Variants in PEG3 observed in about 807,000 individuals in gnomAD.
PEG3 encodes paternally expressed 3, also known as paternally-expressed gene 3 protein.
Under a neutral mutation model 35.5 loss-of-function variants are expected in PEG3, and 23 were observed. That is an observed-to-expected ratio of 0.65 (90% CI 0.47 to 0.92). The LOEUF is 0.92. PEG3 is among the 40% of genes least tolerant of loss of function. The pLI is 0.00. For synonymous variants in PEG3, 707 were observed against 697.0 expected (o/e 1.01, Z -0.23); for missense variants, 1,960 against 1,985.3 (o/e 0.99, Z 0.24).
In PEG3 at chr19:56,816,350, A is replaced by C. The variant is rs35087473; in HGVS notation, c.2092T>G (p.Ser698Ala). ...TDGRDAFMQSSELSEHQKIHS... is the reference protein window; with the variant it reads ...TDGRDAFMQSAELSEHQKIHS... The stretch of plus-strand genomic sequence containing the variant: ...ATTTTCTGATGCTCACTGAGCTCTG[A>C]GCTTTGCATGAAGGCATCCCGGCCA... Residue 698 changes from serine to alanine, a missense_variant, in exon 10 of 10, where the codon TCA (serine) becomes GCA (alanine). Transcript: ENST00000326441. 1.0e-3 allele frequency: 1,685 copies of C among 1,614,090 alleles called. 21 individuals carry two copies. In the African/African-American group the frequency reaches 0.019, roughly 18 times the overall value.
In PEG3 at chr19:56,817,208, T is replaced by G. The variant is rs1283675857; in HGVS notation, c.1234A>C (p.Arg412=). 3.1e-6 allele frequency: 5 copies of G among 1,614,220 alleles called. No homozygotes were observed. Among genetic ancestry groups the G allele is most frequent in the Non-Finnish European group, 4.2e-6 (5 of 1,180,012 alleles). ...CTACCACATTCAAAGGGCTTCTTCCTGGGACAGCCTTTTTGATCGTGAATC... is the reference window on the plus strand; with the variant it reads ...CTACCACATTCAAAGGGCTTCTTCCGGGGACAGCCTTTTTGATCGTGAATC... ...GSIHDQKGCP[R]KKPFECGSEM... Residue 412 remains arginine (R), a synonymous_variant, in exon 10 of 10, where the codon AGG becomes CGG. Transcript: ENST00000326441.
chr19:56,814,459 G>A lies in PEG3; in HGVS notation c.3983C>T (p.Ala1328Val). ...TSFLTEPLKG[A>V]IPFYECKDCG... ...ATCCTTGCATTCATAGAATGGTATA[G>A]CTCCTTTGAGGGGCTCAGTAAGAAA... Residue 1328 changes from alanine to valine, a missense_variant, in exon 10 of 10, where the codon GCT becomes GTT. This residue lies in a region of PEG3 where 416 missense variants were observed against 416.7 expected (regional missense o/e 1.00). Coordinates refer to ENST00000326441, the MANE Select transcript of PEG3 (RefSeq NM_006210.3). This position sits in a 1 kb window ranked among gnomAD's most constrained non-coding sequence, Gnocchi z 5.8. The A allele has an allele frequency of 6.2e-7, 1 of 1,613,722 alleles. No homozygotes were observed.
chr19:56,813,920 G>T lies in PEG3; in HGVS notation c.4522C>A (p.His1508Asn). 6.2e-7 allele frequency: 1 copy of T among 1,614,162 alleles called. No individual in the cohort carries two copies. Among genetic ancestry groups the T allele is most frequent in the Non-Finnish European group, 8.5e-7 (1 of 1,180,020 alleles). The part of the protein sequence containing the change: ...IQVEEPYYDC[H>N]ECTETFTSST... Reference sequence around the variant, plus strand: ...GAAGTGAAGGTTTCTGTGCATTCATGGCAGTCATAGTATGGTTCTTCTACC... The same window carrying T: ...GAAGTGAAGGTTTCTGTGCATTCATTGCAGTCATAGTATGGTTCTTCTACC... The change falls in exon 10 of 10, where the codon CAT becomes AAT. Residue 1508 changes from histidine to asparagine, a missense_variant. By Grantham distance (68) the His-to-Asn change is moderately conservative (BLOSUM62 1). Coordinates refer to ENST00000326441, the MANE Select transcript of PEG3 (RefSeq NM_006210.3).
At chr19:56,840,544 G>A (rs1213930047) in intron 1 of PEG3, 38 bp downstream of exon 1, 1 of 152,322 alleles carries the variant, frequency 6.6e-6, no homozygotes, top group Non-Finnish European at 1.5e-5. Flanking sequence ...AAGGTCCCGC[G>A]GGCAGGAGGC....
intron 1 of PEG3, among the ~76,000 whole-genome samples, chr19:56,836,571 A>G (rs1415703932): frequency 6.6e-6 from 1 of 152,216 alleles, no homozygotes; most frequent in African/African-American, 2.4e-5. Flanking sequence ...GTATGTGTTC[A>G]ATCAATTAGA....
intron 1 of PEG3, among the ~76,000 whole-genome samples, chr19:56,836,439 G>C (rs1347206336): frequency 6.6e-6 from 1 of 152,126 alleles, no homozygotes; most frequent in Non-Finnish European, 1.5e-5. Flanking sequence ...CCCATGTTAG[G>C]ACCGCTATCC....
intron 1 of PEG3, among the ~76,000 whole-genome samples, chr19:56,837,113 G>C (rs779842664): frequency 8.5e-5 from 13 of 152,088 alleles, no homozygotes; most frequent in Non-Finnish European, 1.6e-4. Flanking sequence ...AGGTAAGTGA[G>C]CTCTAGGACT....
In PEG3 at chr19:56,816,254, C is replaced by T. The variant is rs748116641; in HGVS notation, c.2188G>A (p.Glu730Lys). 6.2e-7 allele frequency: 1 copy of T among 1,614,046 alleles called. No individual in the cohort carries two copies. Among genetic ancestry groups the T allele is most frequent in the African/African-American group, 1.3e-5 (1 of 75,046 alleles). ...GTTATAGTATGACTCTTCTGAGATT[C>T]AGTGAATGGCCCACTATGAATGACA... ...KSVIHSGPFT[E>K]SQKSHTITRP... Residue 730 changes from glutamate to lysine, a missense_variant, in exon 10 of 10, where the codon GAA becomes AAA. Physicochemically the swap from Glu to Lys is moderately conservative, Grantham distance 56. Around this residue, in one of 5 missense-constraint regions of PEG3, gnomAD observed 798 missense variants for 782.4 expected, o/e 1.02. Transcript: ENST00000326441.
intron 1 of PEG3, among the ~76,000 whole-genome samples, chr19:56,837,904 T>A (rs1364034179): frequency 6.6e-6 from 1 of 152,162 alleles, no homozygotes; most frequent in Non-Finnish European, 1.5e-5. Context: ...TGTCATTCAG[T>A]AATGGTGCCT....
rs2146132330 is a variant in PEG3, at chr19:56,814,069, A to C, written c.4373T>G (p.Ile1458Ser). 1 of 1,614,032 alleles carries C rather than the reference A, an allele frequency of 6.2e-7. No homozygotes were observed. The highest frequency in any genetic ancestry group is 1.6e-4 in the Middle Eastern group (1 of 6,062). ...GDADEPDGAG[I>S]EDPEERAEEP... is the part of the protein sequence containing the mutation. ...TTCAGCTCTTTCTTCTGGGTCTTCA[A>C]TACCTGCACCATCTGGCTCATCAGC... Residue 1458 changes from isoleucine (I) to serine (S), a missense_variant, in exon 10 of 10, where the codon ATT (isoleucine) becomes AGT (serine). Coordinates refer to ENST00000326441, the MANE Select transcript of PEG3 (RefSeq NM_006210.3). This position sits in a 1 kb window ranked among gnomAD's most constrained non-coding sequence, Gnocchi z 5.8.
Position 56,814,999 on chromosome 19 carries a change from T to C in PEG3, c.3443A>G (p.His1148Arg), listed in dbSNP as rs1013849695. 1 of 1,614,032 alleles carries C rather than the reference T, an allele frequency of 6.2e-7. No homozygotes were observed. Among genetic ancestry groups the C allele is most frequent in the African/African-American group, 1.3e-5 (1 of 74,926 alleles). Residue 1148 changes from histidine to arginine, a missense_variant, in exon 10 of 10, where the codon CAT becomes CGT. Physicochemically the swap from His to Arg is conservative, Grantham distance 29 (BLOSUM62 0). Transcript: ENST00000326441. This position sits in a 1 kb window ranked among gnomAD's most constrained non-coding sequence, Gnocchi z 5.8. ...REYTHSVIHT[H>R]SISEYQRDYT... ...ATCTCTCTGATACTCGCTGATGGAA[T>C]GGGTGTGAATTACAGAATGTGTGTA... is the stretch of plus-strand genomic sequence containing the variant.
At position 56,814,367 on chromosome 19, in the gene PEG3, C is replaced by T. The variant is rs1327270495; in HGVS notation, c.4075G>A (p.Glu1359Lys). 22 of 1,613,884 alleles carry T rather than the reference C, an allele frequency of 1.4e-5. No homozygotes were observed. Among genetic ancestry groups the T allele is most frequent in the Non-Finnish European group, 1.8e-5 (21 of 1,179,886 alleles). Reference protein sequence around the residue: ...KHKELHLEEEEEDEAAAAAAA... With the variant: ...KHKELHLEEEKEDEAAAAAAA... Reference sequence around the variant, plus strand: ...GCAGCTGCTGCTGCTTCATCTTCTTCTTCTTCTTCCAGATGAAGCTCCTTA... The same window carrying T: ...GCAGCTGCTGCTGCTTCATCTTCTTTTTCTTCTTCCAGATGAAGCTCCTTA... The change falls in exon 10 of 10, where the codon GAA becomes AAA. Residue 1359 changes from glutamate (E) to lysine (K), a missense_variant. Physicochemically the swap from Glu to Lys is moderately conservative, Grantham distance 56 (BLOSUM62 1). This residue lies in a region of PEG3 where 416 missense variants were observed against 416.7 expected (regional missense o/e 1.00). Coordinates refer to ENST00000326441, the MANE Select transcript of PEG3 (RefSeq NM_006210.3). The surrounding 1 kb of genome is among the most constrained non-coding windows in gnomAD (Gnocchi z 5.8).
chr19:56,824,672 T>C lies in PEG3; in HGVS notation c.-17A>G, dbSNP rs138074674. 1.9e-4 allele frequency: 299 copies of C among 1,584,320 alleles called. 5 individuals carry two copies. The South Asian group carries it at 3.0e-3, about 16-fold the overall frequency. The stretch of plus-strand genomic sequence containing the variant: ...AGGCAGCATTTCTCTAAGTAAAATT[T>C]TCACTGGAGGAACCAAACATGAGTC... On this transcript the variant is annotated 5_prime_UTR_variant, in exon 4 of 10. Coordinates refer to ENST00000326441, the MANE Select transcript of PEG3 (RefSeq NM_006210.3).
intron 1 of PEG3, among the ~76,000 whole-genome samples, chr19:56,839,726 T>G (rs1307518635): frequency 7.0e-6 from 1 of 143,828 alleles, no homozygotes; most frequent in Non-Finnish European, 1.5e-5. Flanking sequence ...CAACCCACAG[T>G]CATTCAGCTT....
At position 56,810,198 on chromosome 19, in the gene PEG3, T is replaced by C; in HGVS notation, c.*3477A>G. 1 of 981,886 alleles carries C rather than the reference T, an allele frequency of 1.0e-6. No homozygotes were observed. 60.8% of individuals were successfully genotyped at this position (981,886 alleles called of 1,614,324 possible). On this transcript the variant is annotated 3_prime_UTR_variant, in exon 10 of 10. Transcript: ENST00000326441. ...AGATGAAGAAAATATATCAAGATGT[T>C]AACCACACTCTTTGGATGGTGAAAA...
chr19:56,822,552 A>G, intron 6 of PEG3: 2 of 571,154 alleles, frequency 3.5e-6, no homozygotes, highest in Non-Finnish European at 6.0e-6. Context: ...TTTAGGTGGC[A>G]ACAGGTCTAT....
At chr19:56,827,992 G>T (rs2061216643) in intron 2 of PEG3, among the ~76,000 whole-genome samples, 1 of 152,082 alleles carries the variant, frequency 6.6e-6, no homozygotes, top group African/African-American at 2.4e-5. Flanking sequence ...TTCTCCTTTT[G>T]TTTTTTGTTT....
At chr19:56,828,882 C>A (rs2061311534) in intron 2 of PEG3, among the ~76,000 whole-genome samples, 1 of 152,082 alleles carries the variant, frequency 6.6e-6, no homozygotes, top group Admixed American at 6.5e-5. Context: ...AAAATTGATG[C>A]TAGTGAGGGT....
rs1376220844 is a variant in PEG3, at chr19:56,810,720, G to A, written c.*2955C>T. The A allele has an allele frequency of 3.0e-6, 3 of 983,858 alleles. No homozygotes were observed. Among genetic ancestry groups the A allele is most frequent in the Non-Finnish European group, 1.2e-6 (1 of 828,576 alleles). The allele number at this position is 983,858 out of a possible 1,614,324, so 60.9% of individuals were successfully genotyped here. A position where few individuals can be genotyped will look rare whatever the true frequency, so the allele number is the denominator to read the frequency against. ...CACATCTTTTCATTTAAGACTTTAT[G>A]CACACATATTTAACACTGTTATCAC... On this transcript the variant is annotated 3_prime_UTR_variant, in exon 10 of 10. Coordinates refer to ENST00000326441, the MANE Select transcript of PEG3 (RefSeq NM_006210.3).
Sources: allele counts gnomAD v4.1 joint callset (sites outside exome capture counted in the v4.1 genomes callset), GRCh38; gene constraint gnomAD v4.1.1; regional missense constraint gnomAD v4.1.1; non-coding constraint Gnocchi (gnomAD v3.1); transcripts MANE v1.5; gene names NCBI Gene and HGNC (gene_info 2026-07-23, HGNC 2026-07-21).